ETS1: variants seen among roughly 807,000 people sequenced by gnomAD.
ETS1 encodes ETS proto-oncogene 1, transcription factor.
A neutral mutation model predicts 58.6 loss-of-function variants in ETS1; 15 were observed. The observed-to-expected ratio is 0.26, with a 90% CI of 0.17 to 0.39. The LOEUF (loss-of-function observed/expected upper bound fraction) is 0.39, where lower values mean the gene tolerates loss of function less well. Among genes scored for constraint, ETS1 ranks in the 10% least tolerant of loss-of-function variants. The pLI is 1.00. For missense variants in ETS1, 417 were observed against 610.5 expected, an observed-to-expected ratio of 0.68 and a Z score of 3.34; for synonymous variants, 214 against 218.2, an observed-to-expected ratio of 0.98 and a Z score of 0.17.
intron 3 of ETS1, among the ~76,000 whole-genome samples, chr11:128,527,826 C>T (rs1863828304): frequency 6.6e-6 from 1 of 152,226 alleles, no homozygotes; most frequent in African/African-American, 2.4e-5. Flanking sequence ...CAACATCAAA[C>T]TTCAAAACAG....
intron 2 of ETS1, among the ~76,000 whole-genome samples, chr11:128,568,586 T>C (rs1458951989): frequency 6.6e-6 from 1 of 152,164 alleles, no homozygotes; most frequent in Non-Finnish European, 1.5e-5. Flanking sequence ...CACCACCTCA[T>C]TCATTATGGC....
At chr11:128,547,691 A>G (rs1184039915) in intron 3 of ETS1, among the ~76,000 whole-genome samples, 1 of 151,998 alleles carries the variant, frequency 6.6e-6, no homozygotes, top group Admixed American at 6.5e-5. Context: ...CTGTTTTCTT[A>G]AATAGCAAGA....
chr11:128,576,044 C>T (rs183560893), intron 1 of ETS1, among the ~76,000 whole-genome samples: 53 of 152,344 alleles, frequency 3.5e-4, no homozygotes, highest in Admixed American at 8.5e-4. Flanking sequence ...TCTGGCCCAA[C>T]ATCTGGTGCA....
intron 3 of ETS1, among the ~76,000 whole-genome samples, chr11:128,531,272 G>A (rs1391428887): frequency 1.3e-5 from 2 of 152,200 alleles, no homozygotes; most frequent in African/African-American, 4.8e-5. Context: ...GAATGGAGAT[G>A]CGGAAAGTGC....
At chr11:128,581,084 A>G (rs1362986010) in intron 1 of ETS1, among the ~76,000 whole-genome samples, 1 of 152,232 alleles carries the variant, frequency 6.6e-6, no homozygotes, top group African/African-American at 2.4e-5. Flanking sequence ...ATAGCAGTTA[A>G]GAAATAAGGA....
chr11:128,536,944 C>A (rs1863981222), intron 3 of ETS1, among the ~76,000 whole-genome samples: 1 of 152,130 alleles, frequency 6.6e-6, no homozygotes, highest in African/African-American at 2.4e-5. Context: ...GATGCTTTAC[C>A]TTATTTAGCA....
chr11:128,562,306 G>A lies in ETS1; in HGVS notation c.70-5871C>T, dbSNP rs1864417117. Reference sequence around the variant, plus strand: ...CACCTGTAATCCCAGTTACTCTGGAGGCTGAGGCAGGAGAATCATTTGAAC... The same window carrying A: ...CACCTGTAATCCCAGTTACTCTGGAAGCTGAGGCAGGAGAATCATTTGAAC... On this transcript the variant is annotated intron_variant, in intron 2 of 9. Coordinates refer to ENST00000392668, the MANE Select transcript of ETS1 (RefSeq NM_001143820.2). Among the ~76,000 whole-genome samples, 3 of 152,218 alleles carry A rather than the reference G, an allele frequency of 2.0e-5. No individual in the cohort carries two copies. The South Asian group carries it at 6.2e-4, about 31-fold the overall frequency.
intron 3 of ETS1, among the ~76,000 whole-genome samples, chr11:128,531,624 A>G (rs951094796): frequency 6.6e-6 from 1 of 152,218 alleles, no homozygotes; most frequent in Admixed American, 6.5e-5. Flanking sequence ...AATTCCCACT[A>G]TATAGATGTG....
chr11:128,500,141 G>T (rs181655244), intron 3 of ETS1, among the ~76,000 whole-genome samples: 29 of 152,260 alleles, frequency 1.9e-4, no homozygotes, highest in African/African-American at 7.0e-4. Flanking sequence ...GGCCATGGGG[G>T]TAGCCGCCAA....
intron 3 of ETS1, among the ~76,000 whole-genome samples, chr11:128,553,257 A>C (rs1019537005): frequency 3.9e-5 from 6 of 152,352 alleles, no homozygotes; most frequent in African/African-American, 1.4e-4. Context: ...GTAGAAATGA[A>C]AGAAAATGAT....
At chr11:128,523,919 A>C (rs558417411) in intron 3 of ETS1, among the ~76,000 whole-genome samples, 1 of 86,476 alleles carries the variant, frequency 1.2e-5, no homozygotes, top group Non-Finnish European at 3.0e-5. Context: ...AATGAACCAC[A>C]AAAAAAAAAA....
chr11:128,574,955 G>A (rs1864712395), intron 1 of ETS1, among the ~76,000 whole-genome samples: 4 of 152,122 alleles, frequency 2.6e-5, no homozygotes, highest in Non-Finnish European at 5.9e-5. Context: ...ATACCTTCTA[G>A]AAATGAATAC....
At chr11:128,519,265 C>T (rs1863601941) in intron 3 of ETS1, among the ~76,000 whole-genome samples, 1 of 152,070 alleles carries the variant, frequency 6.6e-6, no homozygotes, top group African/African-American at 2.4e-5. Context: ...TGGTCAGGTC[C>T]TAGCCAGGAA....
At chr11:128,514,308 T>C (rs1412509507) in intron 3 of ETS1, among the ~76,000 whole-genome samples, 1 of 152,186 alleles carries the variant, frequency 6.6e-6, no homozygotes, top group Non-Finnish European at 1.5e-5. Flanking sequence ...CCCTTAAATA[T>C]TCCTACTTTC....
At chr11:128,470,403 T>C (rs1862154400) in intron 8 of ETS1, among the ~76,000 whole-genome samples, 1 of 152,216 alleles carries the variant, frequency 6.6e-6, no homozygotes, top group Non-Finnish European at 1.5e-5. Context: ...AATCACCATA[T>C]GCAATCTTAT....
chr11:128,564,283 G>T (rs1005032501), intron 2 of ETS1, among the ~76,000 whole-genome samples: 1 of 152,118 alleles, frequency 6.6e-6, no homozygotes, highest in Non-Finnish European at 1.5e-5. Flanking sequence ...AACTCTCAAA[G>T]GGCAATTTAA....
At chr11:128,538,182 A>T (rs1863998528) in intron 3 of ETS1, among the ~76,000 whole-genome samples, 1 of 152,132 alleles carries the variant, frequency 6.6e-6, no homozygotes, top group Admixed American at 6.5e-5. Context: ...ATGAGATTTA[A>T]ACAACTGATT....
intron 8 of ETS1, among the ~76,000 whole-genome samples, chr11:128,473,658 T>C (rs1862246113): frequency 6.6e-6 from 1 of 152,200 alleles, no homozygotes; most frequent in Admixed American, 6.5e-5. Flanking sequence ...CCCAAGTGAC[T>C]GATGGGGTGC....
chr11:128,573,081 G>A lies in ETS1; in HGVS notation c.50C>T (p.Ala17Val), dbSNP rs761175011. The A allele has an allele frequency of 4.1e-5, 65 of 1,604,110 alleles. No individual in the cohort carries two copies. In the Middle Eastern group the frequency reaches 5.0e-4, roughly 12 times the overall value. The change falls in exon 2 of 10, where the codon GCG becomes GTG. Residue 17 changes from alanine (A) to valine (V), a missense_variant. Coordinates refer to ENST00000392668, the MANE Select transcript of ETS1 (RefSeq NM_001143820.2). ...ACTCACCACCACTGCAGGACGAGGC[G>A]CTGAGTAAGGGACGGGGCTGCTCCC... ...SAGSSPVPYS[A>V]PRPAVVRQGP...
Sources: gnomAD v4.1 joint callset for allele counts (sites outside exome capture counted in the v4.1 genomes callset) on GRCh38, gnomAD v4.1.1 for gene constraint, MANE v1.5 for transcripts, NCBI Gene and HGNC (gene_info 2026-07-23, HGNC 2026-07-21) for gene names.